DMXL1: variants seen among roughly 807,000 people sequenced by gnomAD.
The protein encoded by DMXL1 is Dmx like 1.
A neutral mutation model predicts 319.2 loss-of-function variants in DMXL1; 99 were observed. The ratio of observed to expected loss-of-function variants is 0.31; its 90% CI spans 0.26 to 0.37. The LOEUF (loss-of-function observed/expected upper bound fraction) is 0.37, where lower values mean the gene tolerates loss of function less well. DMXL1 is among the 10% of genes least tolerant of loss of function. The pLI is 1.00. For synonymous variants in DMXL1, 1,385 were observed against 1,235.2 expected, an observed-to-expected ratio of 1.12 and a Z score of -2.54; for missense variants, 3,745 against 3,595.6, an observed-to-expected ratio of 1.04 and a Z score of -1.06.
chr5:119,165,285 GTAA>G lies in DMXL1; in HGVS notation c.4970+6_4970+8del. On this transcript the variant is annotated splice_donor_region_variant and intron_variant, in intron 21 of 43. Transcript: ENST00000539542. The stretch of plus-strand genomic sequence containing the variant: ...TGTGATTTGGGGATTATATAGGTAG[GTAA>G]AAAAAAAAAAAAAAAAGGGTGCTTC... 8.4e-7 allele frequency: 1 copy of G among 1,188,256 alleles called. No individual in the cohort carries two copies. Among genetic ancestry groups the G allele is most frequent in the African/African-American group, 1.8e-5 (1 of 56,962 alleles). 73.6% of individuals were successfully genotyped at this position (1,188,256 alleles called of 1,614,324 possible).
Position 119,105,261 on chromosome 5 carries a change from A to G in DMXL1, c.364+3A>G, listed in dbSNP as rs1342381690. 6.2e-7 allele frequency: 1 copy of G among 1,609,156 alleles called. No homozygotes were observed. The stretch of plus-strand genomic sequence containing the variant: ...CAATATAACCTGGGATCCCACAGGT[A>G]AGAAAATAAGCAGGATTAACTAAAA... On this transcript the variant is annotated splice_donor_region_variant and intron_variant, in intron 4 of 43. Coordinates refer to ENST00000539542, the MANE Select transcript of DMXL1 (RefSeq NM_001290321.3).
chr5:119,212,678 C>G (rs1368439227), intron 34 of DMXL1, among the ~76,000 whole-genome samples: 1 of 152,032 alleles, frequency 6.6e-6, no homozygotes, highest in Non-Finnish European at 1.5e-5. Context: ...CATGTCCAGC[C>G]CAATCAAAGC....
rs766720763 is a variant in DMXL1 at position 119,148,967 on chromosome 5, T to C, written c.3140T>C (p.Val1047Ala). Reference protein sequence around the residue: ...NSSITVPGRPVEVSCAHTNRL... With the variant: ...NSSITVPGRPAEVSCAHTNRL... ...AGTATAACTGTACCTGGTAGGCCTGTAGAAGTTAGCTGTGCACATACAAAT... is the reference window on the plus strand; with the variant it reads ...AGTATAACTGTACCTGGTAGGCCTGCAGAAGTTAGCTGTGCACATACAAAT... The change falls in exon 18 of 44, where the codon GTA becomes GCA. Residue 1047 changes from valine to alanine, a missense_variant. By Grantham distance (64) the Val-to-Ala change is moderately conservative. Coordinates refer to ENST00000539542, the MANE Select transcript of DMXL1 (RefSeq NM_001290321.3). The C allele has an allele frequency of 6.2e-7, 1 of 1,613,956 alleles. No individual in the cohort carries two copies. Among genetic ancestry groups the C allele is most frequent in the Non-Finnish European group, 8.5e-7 (1 of 1,179,854 alleles).
At chr5:119,122,627 G>A (rs1477864379) in intron 9 of DMXL1, among the ~76,000 whole-genome samples, 4 of 151,176 alleles carry the variant, frequency 2.6e-5, no homozygotes, top group Admixed American at 6.6e-5. Flanking sequence ...CTTCTCAGAC[G>A]GGGCGGCCGG....
chr5:119,149,406 C>T lies in DMXL1; in HGVS notation c.3579C>T (p.Pro1193=). 6.2e-7 allele frequency: 1 copy of T among 1,613,810 alleles called. No homozygotes were observed. The highest frequency in any genetic ancestry group is 8.5e-7 in the Non-Finnish European group (1 of 1,179,854). The part of the protein sequence containing the change: ...FPLWESTKVV[P]LSKFVLLRSV... ...TCTGGGAGAGTACCAAAGTTGTGCC[C>T]CTTTCTAAATTTGTACTATTACGAA... Residue 1193 remains proline, a synonymous_variant, in exon 18 of 44, where the codon CCC becomes CCT. Coordinates refer to ENST00000539542, the MANE Select transcript of DMXL1 (RefSeq NM_001290321.3).
chr5:119,088,856 T>G (rs751360595), intron 1 of DMXL1, among the ~76,000 whole-genome samples: 35 of 152,202 alleles, frequency 2.3e-4, no homozygotes, highest in Non-Finnish European at 2.9e-4. Context: ...TTGTAGATAT[T>G]GTTTTTGATA....
At chr5:119,236,721 A>C (rs1352928987) in intron 39 of DMXL1, 1 of 151,894 alleles carries the variant, frequency 6.6e-6, no homozygotes, top group Non-Finnish European at 1.5e-5. Flanking sequence ...CATTTATTTT[A>C]TATACTTTAT....
At chr5:119,206,355 T>C (rs894868767) in intron 33 of DMXL1, 1 of 152,208 alleles carries the variant, frequency 6.6e-6, no homozygotes, top group Admixed American at 6.5e-5. Flanking sequence ...TTATTGACTA[T>C]TTCTGGCTTC....
At chr5:119,181,371 A>AAAGT (rs1396386702) in intron 28 of DMXL1, among the ~76,000 whole-genome samples, 1 of 152,236 alleles carries the variant, frequency 6.6e-6, no homozygotes, top group Non-Finnish European at 1.5e-5. Context: ...GAGTACCCAG[A>AAAGT]AAGTATTCTA....
intron 22 of DMXL1, 99 bp downstream of exon 22, chr5:119,166,880 A>G: frequency 1.1e-6 from 1 of 943,492 alleles, no homozygotes; most frequent in Non-Finnish European, 1.5e-6. Context: ...TTTATTGGAA[A>G]TAACACAAGG....
At chr5:119,139,100 G>C (rs767767818) in intron 13 of DMXL1, 2 of 152,150 alleles carry the variant, frequency 1.3e-5, no homozygotes, top group Non-Finnish European at 2.9e-5. Context: ...CCAATGTTGA[G>C]GGAGTTTGCC....
intron 2 of DMXL1, among the ~76,000 whole-genome samples, chr5:119,101,071 G>A (rs1185033519): frequency 6.6e-6 from 1 of 151,960 alleles, no homozygotes; most frequent in Non-Finnish European, 1.5e-5. Context: ...GTGAGCCACC[G>A]CGGCCGGCCT....
In DMXL1 at chr5:119,105,501, C is replaced by G. The variant is rs1446372064; in HGVS notation, c.364+243C>G. On this transcript the variant is annotated intron_variant, in intron 4 of 43. Coordinates refer to ENST00000539542, the MANE Select transcript of DMXL1 (RefSeq NM_001290321.3). ...ATTGTTTTTGGAAAGAGATATTTCT[C>G]TGGAGAATTAACGTTTCATTGAAAA... 2.6e-5 allele frequency among the ~76,000 whole-genome samples: 4 copies of G among 152,204 alleles called. No homozygotes were observed. The East Asian group carries it at 7.7e-4, about 29-fold the overall frequency.
Position 119,164,692 on chromosome 5 carries a change from T to C in DMXL1, c.4872+16T>C, listed in dbSNP as rs771124932. ...CATAGAAAAAGTAAGTGTTTTATTT[T>C]GGTGTATAAGTGAATTAATATTTTT... On this transcript the variant is annotated intron_variant, in intron 20 of 43. Coordinates refer to ENST00000539542, the MANE Select transcript of DMXL1 (RefSeq NM_001290321.3). 1.3e-6 allele frequency: 2 copies of C among 1,586,816 alleles called. No homozygotes were observed. Among genetic ancestry groups the C allele is most frequent in the Non-Finnish European group, 8.6e-7 (1 of 1,161,532 alleles).
chr5:119,143,372 A>G (rs909229716), intron 13 of DMXL1, among the ~76,000 whole-genome samples: 2 of 152,050 alleles, frequency 1.3e-5, no homozygotes, highest in African/African-American at 2.4e-5. Context: ...CTGATAAAGG[A>G]AGTCTGATAA....
intron 9 of DMXL1, chr5:119,126,959 CTT>C (rs367708313): frequency 1.9e-4 from 30 of 157,838 alleles, no homozygotes; most frequent in Non-Finnish European, 2.1e-4. Flanking sequence ...AGTTTTTGAA[CTT>C]TTTTTTTTTT....
At chr5:119,190,379 C>A (rs150108951) in intron 29 of DMXL1, among the ~76,000 whole-genome samples, 2 of 152,192 alleles carry the variant, frequency 1.3e-5, no homozygotes, top group Non-Finnish European at 2.9e-5. Flanking sequence ...TCCCTGCTAG[C>A]GCTTCATTCT....
chr5:119,239,006 C>G lies in DMXL1; in HGVS notation c.8577C>G (p.Asn2859Lys). The part of the protein sequence containing the change: ...PKPYLTWQCH[N>K]KTANDFVFVS... Reference sequence around the variant, plus strand: ...CATTCCAGACTTGGCAGTGTCATAACAAAACAGCCAATGATTTTGTCTTCG... The same window carrying G: ...CATTCCAGACTTGGCAGTGTCATAAGAAAACAGCCAATGATTTTGTCTTCG... The change falls in exon 41 of 44, where the codon AAC becomes AAG. Residue 2859 changes from asparagine (N) to lysine (K), a missense_variant. By Grantham distance (94) the Asn-to-Lys change is moderately conservative. Around this residue, in one of 4 missense-constraint regions of DMXL1, gnomAD observed 262 missense variants for 320.5 expected, o/e 0.82. Transcript: ENST00000539542. The G allele has an allele frequency of 2.5e-6, 4 of 1,613,760 alleles. No individual in the cohort carries two copies. Among genetic ancestry groups the G allele is most frequent in the Non-Finnish European group, 3.4e-6 (4 of 1,179,904 alleles).
Position 119,134,055 on chromosome 5 carries a change from G to T in DMXL1, c.2131G>T (p.Asp711Tyr). The part of the protein sequence containing the change: ...VYSELILWRV[D>Y]PVGPLSFSGG... ...CAGTGAGCTTATTCTGTGGAGGGTT[G>T]ACCCAGTTGGGCCATTGTCTTTTTC... is the stretch of plus-strand genomic sequence containing the variant. Residue 711 changes from aspartate (D) to tyrosine (Y), a missense_variant, in exon 12 of 44, where the codon GAC becomes TAC. By Grantham distance (160) the Asp-to-Tyr change is radical. Around this residue, in one of 4 missense-constraint regions of DMXL1, gnomAD observed 2,096 missense variants for 1,985.4 expected, o/e 1.06. Transcript: ENST00000539542. 1 of 1,614,176 alleles carries T rather than the reference G, an allele frequency of 6.2e-7. No homozygotes were observed. The highest frequency in any genetic ancestry group is 8.5e-7 in the Non-Finnish European group (1 of 1,180,022).
Sources: gnomAD v4.1 joint callset for allele counts (sites outside exome capture counted in the v4.1 genomes callset) on GRCh38, gnomAD v4.1.1 for gene constraint, gnomAD v4.1.1 regional missense constraint, MANE v1.5 for transcripts, NCBI Gene and HGNC (gene_info 2026-07-23, HGNC 2026-07-21) for gene names.